CCM2: variants seen among roughly 807,000 people sequenced by gnomAD.
The protein encoded by CCM2 is CCM2 scaffold protein, also known as cerebral cavernous malformations 2 protein.
CCM2 carries 25 observed loss-of-function variants against 44.9 expected under a neutral mutation model. The observed-to-expected ratio is 0.56, with a 90% CI of 0.41 to 0.78. CCM2 has a LOEUF of 0.78. CCM2 is among the 30% of genes least tolerant of loss of function. The pLI is 0.00. For synonymous variants in CCM2, 219 were observed against 241.1 expected (o/e 0.91, Z 0.85); for missense variants, 481 against 580.6 (o/e 0.83, Z 1.76).
intron 2 of CCM2, among the ~76,000 whole-genome samples, chr7:45,039,408 GC>G (rs1797373911): frequency 6.6e-6 from 1 of 152,304 alleles, no homozygotes; most frequent in East Asian, 1.9e-4. Context: ...GCCCCTACTG[GC>G]CCTTGGGTTT....
chr7:45,051,097 C>G (rs1417920378), intron 2 of CCM2, among the ~76,000 whole-genome samples: 3 of 152,132 alleles, frequency 2.0e-5, no homozygotes, highest in Non-Finnish European at 4.4e-5. Flanking sequence ...TACACTCCAC[C>G]CTGCACTTCC....
At chr7:45,000,679 G>T (rs1795574902) in intron 1 of CCM2, among the ~76,000 whole-genome samples, 1 of 152,260 alleles carries the variant, frequency 6.6e-6, no homozygotes, top group African/African-American at 2.4e-5. Flanking sequence ...AAGCTGTCCA[G>T]GGCTGGAACT....
intron 2 of CCM2, among the ~76,000 whole-genome samples, chr7:45,060,836 T>C (rs944927674): frequency 6.6e-6 from 1 of 152,376 alleles, no homozygotes; most frequent in African/African-American, 2.4e-5. Flanking sequence ...TGTTCTTACA[T>C]GATGTCTACT....
chr7:45,074,745 A>G (rs754558013), intron 9 of CCM2, among the ~76,000 whole-genome samples: 2 of 152,182 alleles, frequency 1.3e-5, no homozygotes, highest in African/African-American at 4.8e-5. Flanking sequence ...TTAGGAAAAC[A>G]GTGCTGGAGG....
At chr7:45,054,030 G>A (rs1385249357) in intron 2 of CCM2, among the ~76,000 whole-genome samples, 1 of 152,084 alleles carries the variant, frequency 6.6e-6, no homozygotes, top group South Asian at 2.1e-4. Context: ...TATAGTACAT[G>A]CCGTAGTAGA....
intron 1 of CCM2, chr7:45,029,520 A>T (rs749569810): frequency 6.6e-6 from 1 of 152,154 alleles, no homozygotes; most frequent in Non-Finnish European, 1.5e-5. Flanking sequence ...GTATAGCCAT[A>T]CTATTTACTT....
intron 1 of CCM2, among the ~76,000 whole-genome samples, chr7:45,008,146 A>C (rs1795918900): frequency 6.7e-6 from 1 of 148,554 alleles, no homozygotes; most frequent in Non-Finnish European, 1.5e-5. Flanking sequence ...GGGTTCAAGC[A>C]ATTCTGCCTC....
intron 1 of CCM2, among the ~76,000 whole-genome samples, chr7:45,013,185 A>G (rs1461052921): frequency 6.6e-6 from 1 of 152,056 alleles, no homozygotes; most frequent in Non-Finnish European, 1.5e-5. Flanking sequence ...ATCCATTAAT[A>G]TCATTTCTTT....
chr7:45,060,609 A>G (rs779246750), intron 2 of CCM2, among the ~76,000 whole-genome samples: 1 of 152,074 alleles, frequency 6.6e-6, no homozygotes, highest in Admixed American at 6.5e-5. Flanking sequence ...CAGTTCTTGC[A>G]TATTCTGTTT....
chr7:45,000,104 G>T, upstream of CCM2: 1 of 156,950 alleles, frequency 6.4e-6, no homozygotes, highest in South Asian at 1.4e-4. Context: ...GAGGATGAGC[G>T]ACAACCGTGG....
In CCM2 at chr7:45,054,729, T is replaced by A. The variant is rs574545149; in HGVS notation, c.205-9189T>A. Among the ~76,000 whole-genome samples, 29 of 152,308 alleles carry A rather than the reference T, an allele frequency of 1.9e-4. 1 individual carries two copies. In the South Asian group the frequency reaches 5.6e-3, roughly 29 times the overall value. ...TGGCTGGTCAGATGTCCCCTTGCTC[T>A]CTCACTGCTTCACCGTGGTCCTCTC... is the stretch of plus-strand genomic sequence containing the variant. On this transcript the variant is annotated intron_variant, in intron 2 of 9. Transcript: ENST00000258781.
At chr7:45,073,843 G>A in intron 8 of CCM2, 1 of 560,398 alleles carries the variant, frequency 1.8e-6, no homozygotes, top group Admixed American at 3.2e-5. Flanking sequence ...GGAGGGAACG[G>A]TGGCCCCTGC....
intron 2 of CCM2, among the ~76,000 whole-genome samples, chr7:45,046,188 T>C (rs1797746116): frequency 6.6e-6 from 1 of 152,140 alleles, no homozygotes; most frequent in Non-Finnish European, 1.5e-5. Context: ...TCAGCAAGAA[T>C]TTTTTGTAGA....
chr7:45,069,803 G>A (rs1180707166), intron 5 of CCM2, 23 bp from the exon 6 acceptor site: 2 of 1,613,732 alleles, frequency 1.2e-6, no homozygotes, highest in Admixed American at 3.3e-5. Context: ...GACTGACCGA[G>A]CAGCTGCTGT....
At chr7:45,050,106 C>T (rs1797933562) in intron 2 of CCM2, among the ~76,000 whole-genome samples, 2 of 152,186 alleles carry the variant, frequency 1.3e-5, no homozygotes, top group South Asian at 4.1e-4. Context: ...AACATTGTAG[C>T]ACAACGCATC....
chr7:45,074,033 G>C, intron 8 of CCM2: 1 of 810,916 alleles, frequency 1.2e-6, no homozygotes, highest in South Asian at 1.8e-5. Flanking sequence ...CATGCACTCT[G>C]TGTTCCAGCT....
At chr7:45,013,891 C>T (rs141277241) in intron 1 of CCM2, among the ~76,000 whole-genome samples, 1 of 152,292 alleles carries the variant, frequency 6.6e-6, no homozygotes, top group Non-Finnish European at 1.5e-5. Context: ...ATGTATTCTT[C>T]TCATTGCATC....
chr7:45,021,770 TGA>T (rs1796491666), intron 1 of CCM2, among the ~76,000 whole-genome samples: 1 of 150,124 alleles, frequency 6.7e-6, no homozygotes, highest in Admixed American at 6.6e-5. Context: ...GGGGAAGGGA[TGA>T]GAGAGGGAAG....
At chr7:45,070,149 C>T (rs1184869920) in intron 6 of CCM2, 188 bp downstream of exon 6, 1 of 692,554 alleles carries the variant, frequency 1.4e-6, no homozygotes, top group African/African-American at 1.8e-5. Flanking sequence ...TGTCACCTGT[C>T]CTTGAGAGAG....
Sources: allele counts gnomAD v4.1 joint callset (sites outside exome capture counted in the v4.1 genomes callset), GRCh38; gene constraint gnomAD v4.1.1; transcripts MANE v1.5; gene names NCBI Gene and HGNC (gene_info 2026-07-23, HGNC 2026-07-21).